The following DGKB variants were observed in gnomAD, a reference collection of about 807,000 sequenced individuals.
DGKB encodes the protein 90 kDa diacylglycerol kinase.
DGKB carries 67 observed loss-of-function variants against 114.3 expected under a neutral mutation model. That is an observed-to-expected ratio of 0.59 (90% confidence interval 0.48 to 0.72). The LOEUF is 0.72. Among genes scored for constraint, DGKB ranks in the 30% least tolerant of loss-of-function variants. The pLI, the probability that DGKB is intolerant of heterozygous loss-of-function variation, is 0.00. For missense variants in DGKB, 907 were observed against 975.2 expected, an observed-to-expected ratio of 0.93 and a Z score of 0.93; for synonymous variants, 398 against 323.1, an observed-to-expected ratio of 1.23 and a Z score of -2.49.
chr7:14,483,565 G>A (rs1783315367), intron 20 of DGKB, among the ~76,000 whole-genome samples: 1 of 152,162 alleles, frequency 6.6e-6, no homozygotes, highest in Non-Finnish European at 1.5e-5. Context: ...AGGACAGTTA[G>A]CAGTGGGATG....
At chr7:14,571,292 G>C (rs1798343376) in intron 20 of DGKB, among the ~76,000 whole-genome samples, 1 of 152,224 alleles carries the variant, frequency 6.6e-6, no homozygotes, top group African/African-American at 2.4e-5. Flanking sequence ...AATAAGCTAA[G>C]AAAACAAGTA....
At chr7:14,860,709 T>C (rs1332170274) in intron 1 of DGKB, among the ~76,000 whole-genome samples, 1 of 151,944 alleles carries the variant, frequency 6.6e-6, no homozygotes, top group Non-Finnish European at 1.5e-5. Context: ...CACACAGTTA[T>C]ACTATGTTTA....
chr7:14,944,183 T>A (rs1190559053), intron 1 of DGKB, among the ~76,000 whole-genome samples: 2 of 151,938 alleles, frequency 1.3e-5, no homozygotes, highest in African/African-American at 4.8e-5. Flanking sequence ...GTGGCAAAAA[T>A]GCTCTGCAGG....
At chr7:14,371,026 T>C (rs527519152) in intron 21 of DGKB, among the ~76,000 whole-genome samples, 1 of 152,220 alleles carries the variant, frequency 6.6e-6, no homozygotes, top group African/African-American at 2.4e-5. Context: ...TAGTATTCCT[T>C]GGCATATATA....
intron 23 of DGKB, among the ~76,000 whole-genome samples, chr7:14,280,663 C>T (rs373052151): frequency 3.7e-4 from 56 of 151,210 alleles, no homozygotes; most frequent in South Asian, 2.7e-3. Flanking sequence ...GCGGATCTCT[C>T]GGCAGAAACC....
chr7:14,327,195 C>G (rs1939594997), intron 23 of DGKB, among the ~76,000 whole-genome samples: 1 of 151,994 alleles, frequency 6.6e-6, no homozygotes, highest in Admixed American at 6.6e-5. Flanking sequence ...ATGAAAACAC[C>G]TGTTATAGTT....
chr7:14,700,536 G>A (rs552245445), intron 7 of DGKB, among the ~76,000 whole-genome samples: 6 of 152,184 alleles, frequency 3.9e-5, no homozygotes, highest in Non-Finnish European at 7.4e-5. Flanking sequence ...AAATTACTGA[G>A]ACTTACAGAT....
chr7:14,332,325 G>C (rs564723251), intron 23 of DGKB, among the ~76,000 whole-genome samples: 4 of 152,304 alleles, frequency 2.6e-5, no homozygotes, highest in African/African-American at 9.6e-5. Context: ...AAGCAGCAGA[G>C]TTGGGGTTTG....
At chr7:14,446,221 A>AACTT (rs1484238691) in intron 21 of DGKB, among the ~76,000 whole-genome samples, 1 of 152,112 alleles carries the variant, frequency 6.6e-6, no homozygotes, top group Non-Finnish European at 1.5e-5. Context: ...GAGCCAGACA[A>AACTT]ACTTACTGTG....
At chr7:14,597,247 C>T (rs967029831) in intron 17 of DGKB, among the ~76,000 whole-genome samples, 1 of 152,008 alleles carries the variant, frequency 6.6e-6, no homozygotes, top group Non-Finnish European at 1.5e-5. Context: ...AGAATTCTAA[C>T]TATAGGCATA....
At chr7:14,181,428 C>T (rs1782621905) in intron 23 of DGKB, among the ~76,000 whole-genome samples, 1 of 152,208 alleles carries the variant, frequency 6.6e-6, no homozygotes, top group Non-Finnish European at 1.5e-5. Flanking sequence ...CAGCTGTTCT[C>T]CACCAGGGAG....
intron 23 of DGKB, among the ~76,000 whole-genome samples, chr7:14,287,103 C>T (rs1346288761): frequency 4.6e-5 from 7 of 152,166 alleles, no homozygotes; most frequent in African/African-American, 1.7e-4. Flanking sequence ...ATGTAAACTA[C>T]AGTATTTTTG....
chr7:14,784,408 C>A (rs1346111121), intron 2 of DGKB, among the ~76,000 whole-genome samples: 3 of 144,870 alleles, frequency 2.1e-5, no homozygotes, highest in African/African-American at 5.3e-5. Context: ...CACTCTGTAG[C>A]CCAGGCTGGA....
chr7:14,625,512 T>G (rs937415580), intron 14 of DGKB, among the ~76,000 whole-genome samples: 1 of 133,550 alleles, frequency 7.5e-6, no homozygotes, highest in Admixed American at 7.2e-5. Flanking sequence ...AATGTTGAAG[T>G]TATTGAAAGT....
chr7:14,633,633 G>A (rs918817598), intron 13 of DGKB, among the ~76,000 whole-genome samples: 2 of 151,730 alleles, frequency 1.3e-5, no homozygotes, highest in Non-Finnish European at 3.0e-5. Flanking sequence ...TCAAAGATGA[G>A]CAGAGTAAAT....
chr7:14,301,808 TG>T (rs1315596516), intron 23 of DGKB, among the ~76,000 whole-genome samples: 1 of 152,120 alleles, frequency 6.6e-6, no homozygotes, highest in African/African-American at 2.4e-5. Flanking sequence ...TCTTGCCTTA[TG>T]GGTTTTCACT....
At chr7:14,459,013 G>A (rs947586402) in intron 21 of DGKB, among the ~76,000 whole-genome samples, 3 of 151,542 alleles carry the variant, frequency 2.0e-5, no homozygotes, top group East Asian at 3.9e-4. Flanking sequence ...CCAGCTTGGT[G>A]GGGGGAGGGG....
At chr7:14,319,358 C>A (rs945245338) in intron 23 of DGKB, among the ~76,000 whole-genome samples, 2 of 151,876 alleles carry the variant, frequency 1.3e-5, no homozygotes, top group African/African-American at 4.8e-5. Flanking sequence ...TCTATTAGAC[C>A]AGACATTACA....
rs6971836 is a variant in DGKB at position 14,274,629 on chromosome 7, A to G, written c.2122+63886T>C. Reference sequence around the variant, plus strand: ...TAACAATAAAATATTCATCTCTTACAGTTTAGAAGGCTGGGAAGTCCAAGA... The same window carrying G: ...TAACAATAAAATATTCATCTCTTACGGTTTAGAAGGCTGGGAAGTCCAAGA... On this transcript the variant is annotated intron_variant, in intron 23 of 25. Coordinates refer to ENST00000402815, the MANE Select transcript of DGKB (RefSeq NM_001350709.2). Among the ~76,000 whole-genome samples the G allele has an allele frequency of 8.9e-3, 1,359 of 152,248 alleles. 25 individuals carry two copies. The highest frequency in any genetic ancestry group is 0.031 in the African/African-American group (1,286 of 41,542).
Sources: gnomAD v4.1 joint callset for allele counts (sites outside exome capture counted in the v4.1 genomes callset) on GRCh38, gnomAD v4.1.1 for gene constraint, MANE v1.5 for transcripts, NCBI Gene and HGNC (gene_info 2026-07-23, HGNC 2026-07-21) for gene names.